Variants in SLC14A2 observed in about 807,000 individuals in gnomAD.
SLC14A2 encodes solute carrier family 14 member 2, also known as urea transporter 2.
A neutral mutation model predicts 104.6 loss-of-function variants in SLC14A2; 91 were observed. The ratio of observed to expected loss-of-function variants is 0.87; its 90% confidence interval spans 0.73 to 1.04. The LOEUF (loss-of-function observed/expected upper bound fraction) is 1.04. Ranked by LOEUF, SLC14A2 falls within the 50% of genes least tolerant of loss-of-function variation. SLC14A2 has a pLI of 0.00. For synonymous variants in SLC14A2, 476 were observed against 466.4 expected (o/e 1.02, Z -0.27); for missense variants, 1,189 against 1,156.0 (o/e 1.03, Z -0.41).
chr18:45,607,901 G>A (rs763027136), intron 2 of SLC14A2, among the ~76,000 whole-genome samples: 76 of 152,198 alleles, frequency 5.0e-4, no homozygotes, highest in Non-Finnish European at 6.5e-4. Context: ...GGTTGCTTGT[G>A]TGTTGTCATA....
intron 2 of SLC14A2, among the ~76,000 whole-genome samples, chr18:45,486,360 G>A (rs995529675): frequency 6.7e-6 from 1 of 150,150 alleles, no homozygotes; most frequent in Admixed American, 6.7e-5. Context: ...TCAGGCTAGG[G>A]ACTTTTTTTT....
chr18:45,635,433 A>G (rs992362672), intron 5 of SLC14A2, among the ~76,000 whole-genome samples: 1 of 152,248 alleles, frequency 6.6e-6, no homozygotes, highest in Admixed American at 6.5e-5. Context: ...AAAGAAAACT[A>G]AGAAAATCCA....
chr18:45,661,953 T>C (rs2045942400), intron 10 of SLC14A2, among the ~76,000 whole-genome samples: 1 of 152,196 alleles, frequency 6.6e-6, no homozygotes, highest in African/African-American at 2.4e-5. Context: ...CAGTAGCTGC[T>C]TCTCCATCCT....
intron 1 of SLC14A2, among the ~76,000 whole-genome samples, chr18:45,243,971 T>A (rs571257211): frequency 1.3e-5 from 2 of 152,172 alleles, no homozygotes; most frequent in Non-Finnish European, 2.9e-5. Flanking sequence ...GATTAATTAA[T>A]GAGGTGTCTG....
chr18:45,279,621 CT>C (rs1247597176), intron 1 of SLC14A2, among the ~76,000 whole-genome samples: 1 of 151,926 alleles, frequency 6.6e-6, no homozygotes, highest in East Asian at 1.9e-4. Context: ...AGCAGAAGAT[CT>C]TTTTGCCAGG....
At chr18:45,280,265 A>G (rs978292455) in intron 1 of SLC14A2, among the ~76,000 whole-genome samples, 4 of 152,110 alleles carry the variant, frequency 2.6e-5, no homozygotes, top group African/African-American at 9.7e-5. Flanking sequence ...GATGTGCACA[A>G]CAGGAATCAC....
intron 2 of SLC14A2, among the ~76,000 whole-genome samples, chr18:45,595,310 T>C (rs2044706106): frequency 6.6e-6 from 1 of 151,590 alleles, no homozygotes; most frequent in African/African-American, 2.4e-5. Context: ...AGTTAACATT[T>C]ATTTTGCACT....
At chr18:45,195,679 T>C in the SLC14A2 span, among the ~76,000 whole-genome samples, 9 of 152,170 alleles carry the variant, frequency 5.9e-5, no homozygotes, top group Non-Finnish European at 1.3e-4. Context: ...TGTGAGCCAC[T>C]GCGCCTGGCT....
At chr18:45,653,906 CCT>C in intron 10 of SLC14A2, among the ~76,000 whole-genome samples, 1 of 152,310 alleles carries the variant, frequency 6.6e-6, no homozygotes, top group South Asian at 2.1e-4. Context: ...AAATTGGCCC[CCT>C]GAGGGGATAA....
At chr18:45,632,573 C>G in intron 5 of SLC14A2, 95 bp downstream of exon 5, 1 of 1,395,924 alleles carries the variant, frequency 7.2e-7, no homozygotes, top group Non-Finnish European at 9.8e-7. Flanking sequence ...ACATGTGGGA[C>G]CCAGCCCCTT....
intron 1 of SLC14A2, among the ~76,000 whole-genome samples, chr18:45,285,071 A>G (rs535892376): frequency 1.3e-5 from 2 of 152,284 alleles, no homozygotes; most frequent in Non-Finnish European, 2.9e-5. Context: ...GATTTCCCAT[A>G]GTCATCTGAC....
At chr18:45,371,506 C>T (rs1568171235) in intron 1 of SLC14A2, among the ~76,000 whole-genome samples, 1 of 152,134 alleles carries the variant, frequency 6.6e-6, no homozygotes, top group Non-Finnish European at 1.5e-5. Flanking sequence ...ACAATGATAT[C>T]ATTCAATCCT....
At chr18:45,227,633 A>G (rs1166073377) in intron 1 of SLC14A2, among the ~76,000 whole-genome samples, 1 of 152,222 alleles carries the variant, frequency 6.6e-6, no homozygotes, top group Non-Finnish European at 1.5e-5. Flanking sequence ...CACATTAGCA[A>G]AGCCTGACTT....
At chr18:45,632,128 G>A (rs533013989) in intron 4 of SLC14A2, among the ~76,000 whole-genome samples, 14 of 125,210 alleles carry the variant, frequency 1.1e-4, no homozygotes, top group Non-Finnish European at 2.5e-4. Context: ...GCAAGACAAG[G>A]GTGTGTGTGT....
chr18:45,564,764 C>T (rs2044244621), intron 2 of SLC14A2, among the ~76,000 whole-genome samples: 3 of 152,082 alleles, frequency 2.0e-5, no homozygotes, highest in South Asian at 4.2e-4. Context: ...GTTTAAGCAT[C>T]ATTATCATGA....
chr18:45,550,464 G>T (rs1053549909), intron 2 of SLC14A2, among the ~76,000 whole-genome samples: 1 of 152,162 alleles, frequency 6.6e-6, no homozygotes, highest in Non-Finnish European at 1.5e-5. Context: ...CTCACAGTCT[G>T]TCTCCTCCAC....
chr18:45,243,980 T>G (rs1283247616), intron 1 of SLC14A2, among the ~76,000 whole-genome samples: 2 of 152,294 alleles, frequency 1.3e-5, no homozygotes, highest in East Asian at 3.9e-4. Context: ...ATGAGGTGTC[T>G]GATTTATATA....
chr18:45,538,008 T>C (rs985273482), intron 2 of SLC14A2, among the ~76,000 whole-genome samples: 4 of 152,188 alleles, frequency 2.6e-5, no homozygotes, highest in African/African-American at 9.7e-5. Flanking sequence ...CTTAGAAACC[T>C]AAAGTAACAC....
In SLC14A2 at chr18:45,682,600, C is replaced by A; in HGVS notation, c.*81C>A. The A allele has an allele frequency of 8.5e-7, 1 of 1,181,982 alleles. No individual in the cohort carries two copies. The highest frequency in any genetic ancestry group is 1.3e-6 in the Non-Finnish European group (1 of 790,012). The allele number at this position is 1,181,982 out of a possible 1,614,324, so 73.2% of individuals were successfully genotyped here. On this transcript the variant is annotated 3_prime_UTR_variant, in exon 20 of 20. Transcript: ENST00000255226. ...TCCCCAGGATAAGAGACCACTTAGC[C>A]TTCCCTTTGGTCTGTTCTGTGACTC...
Sources: allele counts gnomAD v4.1 joint callset (sites outside exome capture counted in the v4.1 genomes callset), GRCh38; gene constraint gnomAD v4.1.1; transcripts MANE v1.5; gene names NCBI Gene and HGNC (gene_info 2026-07-23, HGNC 2026-07-21).